TBC1D15: variants seen among roughly 807,000 people sequenced by gnomAD.
TBC1D15 encodes the protein GAP for RAB7.
TBC1D15 carries 39 observed loss-of-function variants against 95.4 expected under a neutral mutation model. The observed-to-expected ratio is 0.41, with a 90% CI of 0.32 to 0.53. The LOEUF is 0.53. TBC1D15 is among the 20% of genes least tolerant of loss of function. The pLI is 0.29. For synonymous variants in TBC1D15, 258 were observed against 261.3 expected (o/e 0.99, Z 0.12); for missense variants, 733 against 794.3 (o/e 0.92, Z 0.93).
Position 71,918,531 on chromosome 12 carries a change from ATTCTTCGAT to A in TBC1D15, c.1584_1592del (p.Leu529_Leu531del). ...CAAAAGGGAATTTAGTTTTCTAGATATTCTTCGATTATGGGAGGTAAGTCCTTAAATTAT... is the reference window on the plus strand; with the variant it reads ...CAAAAGGGAATTTAGTTTTCTAGATATATGGGAGGTAAGTCCTTAAATTAT... On this transcript the variant is annotated inframe_deletion, in exon 14 of 17. Transcript: ENST00000485960. 6.3e-7 allele frequency: 1 copy of A among 1,596,764 alleles called. No individual in the cohort carries two copies. Among genetic ancestry groups the A allele is most frequent in the Non-Finnish European group, 8.5e-7 (1 of 1,170,112 alleles).
chr12:71,850,902 G>A (rs1461600653), intron 1 of TBC1D15, among the ~76,000 whole-genome samples: 5 of 146,286 alleles, frequency 3.4e-5, no homozygotes, highest in Non-Finnish European at 5.9e-5. Flanking sequence ...CAGGAGAATC[G>A]CTTGAACCCG....
At chr12:71,922,790 C>G (rs1219218454) in intron 16 of TBC1D15, among the ~76,000 whole-genome samples, 193 bp from the exon 17 acceptor site, 3 of 152,142 alleles carry the variant, frequency 2.0e-5, no homozygotes, top group Non-Finnish European at 4.4e-5. Flanking sequence ...ATCCAAGAAC[C>G]ACTTAGGGCG....
chr12:71,870,269 C>T (rs1233933168), intron 1 of TBC1D15, among the ~76,000 whole-genome samples: 1 of 152,150 alleles, frequency 6.6e-6, no homozygotes. Flanking sequence ...TCTCCTTCCT[C>T]TAACATTATA....
At chr12:71,850,824 T>A (rs2137925637) in intron 1 of TBC1D15, among the ~76,000 whole-genome samples, 1 of 151,620 alleles carries the variant, frequency 6.6e-6, no homozygotes, top group South Asian at 2.1e-4. Context: ...CCGTCTCTAC[T>A]AAAAATACAA....
chr12:71,912,884 C>T (rs1381903110), intron 11 of TBC1D15, among the ~76,000 whole-genome samples: 1 of 152,038 alleles, frequency 6.6e-6, no homozygotes, highest in Non-Finnish European at 1.5e-5. Context: ...CGTGTCCCTT[C>T]ATTGGTTCAA....
intron 1 of TBC1D15, among the ~76,000 whole-genome samples, chr12:71,851,173 A>C (rs1161257289): frequency 6.6e-6 from 1 of 152,070 alleles, no homozygotes; most frequent in East Asian, 1.9e-4. Context: ...AACACGTCAC[A>C]TAGAGCAGGA....
intron 1 of TBC1D15, among the ~76,000 whole-genome samples, chr12:71,846,273 C>T (rs1293885590): frequency 6.6e-6 from 1 of 152,156 alleles, no homozygotes; most frequent in Non-Finnish European, 1.5e-5. Context: ...TACTTATCTG[C>T]TTGGGCATCT....
chr12:71,849,815 CTCTAATAGACTT>C (rs1225580432), intron 1 of TBC1D15: 1 of 547,000 alleles, frequency 1.8e-6, no homozygotes, highest in Non-Finnish European at 3.5e-6. Flanking sequence ...CTGTTTCTAA[CTCTAATAGACTT>C]TTGCCATTCT....
chr12:71,920,034 G>T (rs1193663057), intron 14 of TBC1D15, among the ~76,000 whole-genome samples: 1 of 152,092 alleles, frequency 6.6e-6, no homozygotes, highest in African/African-American at 2.4e-5. Flanking sequence ...CACATTTCGG[G>T]TATGATCTCA....
intron 6 of TBC1D15, chr12:71,894,203 A>G (rs2138685857): frequency 2.6e-6 from 2 of 777,488 alleles, no homozygotes; most frequent in East Asian, 5.4e-5. Context: ...TTTACTATTC[A>G]TATAATTAGA....
intron 14 of TBC1D15, among the ~76,000 whole-genome samples, chr12:71,919,931 CT>C (rs763646355): frequency 6.6e-6 from 1 of 152,074 alleles, no homozygotes; most frequent in Non-Finnish European, 1.5e-5. Context: ...TTAATGAAAC[CT>C]TTGAGGTTAA....
intron 7 of TBC1D15, 68 bp from the exon 8 acceptor site, chr12:71,895,879 T>G (rs747042987): frequency 6.9e-7 from 1 of 1,449,704 alleles, no homozygotes; most frequent in Non-Finnish European, 9.3e-7. Flanking sequence ...TTAAATTTAG[T>G]TTCTATATGC....
intron 1 of TBC1D15, among the ~76,000 whole-genome samples, chr12:71,859,445 G>A (rs571335822): frequency 0.011 from 1,684 of 152,070 alleles, 30 homozygotes; most frequent in African/African-American, 0.039. Flanking sequence ...AAGTTATTTT[G>A]ATGTAATCTT....
chr12:71,896,851 T>G, intron 9 of TBC1D15, 71 bp downstream of exon 9: 1 of 1,169,338 alleles, frequency 8.6e-7, no homozygotes, highest in Admixed American at 2.5e-5. Flanking sequence ...AGTATAGGGT[T>G]TCTAGATGAG....
intron 10 of TBC1D15, among the ~76,000 whole-genome samples, chr12:71,904,532 A>C (rs1196988161): frequency 1.3e-5 from 2 of 152,180 alleles, no homozygotes; most frequent in African/African-American, 4.8e-5. Flanking sequence ...AAAACTGGTA[A>C]AACTGAAGAG....
chr12:71,870,545 C>T (rs1193834608), intron 1 of TBC1D15, among the ~76,000 whole-genome samples: 3 of 152,170 alleles, frequency 2.0e-5, no homozygotes, highest in Non-Finnish European at 4.4e-5. Context: ...GTCCATATCA[C>T]AGTTGATTAA....
Position 71,880,462 on chromosome 12 carries a change from AT to A in TBC1D15, c.205-3del, listed in dbSNP as rs1894912354. ...TTTAAATATTTTATATGTTATAATT[AT>A]TTTAGGACTCCAGTTCAGTTGTAGA... On this transcript the variant is annotated splice_region_variant and splice_polypyrimidine_tract_variant and intron_variant, in intron 3 of 16. Transcript: ENST00000485960. The A allele has an allele frequency of 1.3e-6, 2 of 1,551,752 alleles. No homozygotes were observed. The highest frequency in any genetic ancestry group is 2.8e-5 in the African/African-American group (2 of 72,214).
chr12:71,900,907 G>A (rs1478008391), intron 10 of TBC1D15, among the ~76,000 whole-genome samples: 2 of 152,156 alleles, frequency 1.3e-5, no homozygotes, highest in African/African-American at 2.4e-5. Flanking sequence ...CCTGTTCAGT[G>A]TAGTATTGGA....
At chr12:71,852,101 G>T (rs752026357) in intron 1 of TBC1D15, among the ~76,000 whole-genome samples, 2 of 152,228 alleles carry the variant, frequency 1.3e-5, no homozygotes, top group Non-Finnish European at 2.9e-5. Context: ...TCAAGCTTCA[G>T]CTGTTGCATT....
Sources: allele counts gnomAD v4.1 joint callset (sites outside exome capture counted in the v4.1 genomes callset), GRCh38; gene constraint gnomAD v4.1.1; transcripts MANE v1.5; gene names NCBI Gene and HGNC (gene_info 2026-07-23, HGNC 2026-07-21).